Variants in GNAQ observed in about 807,000 individuals in gnomAD.
GNAQ encodes guanine nucleotide-binding protein G(q) subunit alpha.
In GNAQ, 8 loss-of-function variants were observed where a neutral mutation model predicts 43.9. That is an observed-to-expected ratio of 0.18 (90% CI 0.11 to 0.33). The LOEUF is 0.33. GNAQ is among the 10% of genes least tolerant of loss of function. The pLI, the probability that GNAQ is intolerant of heterozygous loss-of-function variation, is 1.00. For synonymous variants in GNAQ, 155 were observed against 170.7 expected (o/e 0.91, Z 0.71); for missense variants, 158 against 450.8 (o/e 0.35, Z 5.88).
intron 5 of GNAQ, among the ~76,000 whole-genome samples, chr9:77,741,287 G>T (rs1825650638): frequency 6.6e-6 from 1 of 152,140 alleles, no homozygotes; most frequent in African/African-American, 2.4e-5. Context: ...TGAATTATTA[G>T]TAACATTCCA....
chr9:77,854,366 C>T (rs1225321011), intron 2 of GNAQ, among the ~76,000 whole-genome samples: 1 of 152,050 alleles, frequency 6.6e-6, no homozygotes, highest in African/African-American at 2.4e-5. Flanking sequence ...ATTTCAAAAT[C>T]AAAATTCTGA....
intron 2 of GNAQ, among the ~76,000 whole-genome samples, chr9:77,823,769 T>C (rs1232544215): frequency 6.6e-6 from 1 of 152,040 alleles, no homozygotes; most frequent in Non-Finnish European, 1.5e-5. Context: ...GGGAAATCTG[T>C]CCCCACGATT....
At position 78,031,273 on chromosome 9, in the gene GNAQ, C is replaced by G. The variant is rs372818743; in HGVS notation, c.-38G>C. On this transcript the variant is annotated 5_prime_UTR_variant, in exon 1 of 7. Transcript: ENST00000286548. ...CCTCCGCTGCAGCCCCGCCGGCACC[C>G]CCTGCTCACAGCGCGCACACACACC... The G allele has an allele frequency of 6.9e-7, 1 of 1,444,428 alleles. No homozygotes were observed. The highest frequency in any genetic ancestry group is 1.4e-5 in the African/African-American group (1 of 68,982). 89.5% of individuals were successfully genotyped at this position (1,444,428 alleles called of 1,614,324 possible). A position where few individuals can be genotyped will look rare whatever the true frequency, so the allele number is the denominator to read the frequency against.
chr9:78,025,971 A>G (rs1381224449), intron 1 of GNAQ, among the ~76,000 whole-genome samples: 1 of 152,214 alleles, frequency 6.6e-6, no homozygotes, highest in Non-Finnish European at 1.5e-5. Context: ...CAGGTCCTAA[A>G]AAATTCATGG....
intron 2 of GNAQ, among the ~76,000 whole-genome samples, chr9:77,904,240 G>C (rs1045175512): frequency 2.0e-5 from 3 of 149,760 alleles, no homozygotes; most frequent in Admixed American, 1.3e-4. Flanking sequence ...GCAAAAAGCT[G>C]ACTGTGGAAA....
chr9:78,022,243 G>C (rs1823920167), intron 1 of GNAQ, among the ~76,000 whole-genome samples: 1 of 152,164 alleles, frequency 6.6e-6, no homozygotes, highest in African/African-American at 2.4e-5. Flanking sequence ...CTTCATCCAG[G>C]GGTGAGTTTG....
chr9:77,998,357 A>G (rs1823602350), intron 1 of GNAQ, among the ~76,000 whole-genome samples: 1 of 152,226 alleles, frequency 6.6e-6, no homozygotes. Context: ...AAGTGAGAAT[A>G]TGGTTTCTAT....
chr9:77,864,632 A>G (rs1827919254), intron 2 of GNAQ, among the ~76,000 whole-genome samples: 1 of 152,150 alleles, frequency 6.6e-6, no homozygotes, highest in South Asian at 2.1e-4. Flanking sequence ...AAGACAAGAA[A>G]ACGGACACTC....
At chr9:77,951,715 C>T (rs1401754371) in intron 1 of GNAQ, among the ~76,000 whole-genome samples, 2 of 152,158 alleles carry the variant, frequency 1.3e-5, no homozygotes, top group Non-Finnish European at 2.9e-5. Context: ...AGCTCCAAGG[C>T]CTTTCTACCA....
intron 2 of GNAQ, among the ~76,000 whole-genome samples, chr9:77,840,859 G>A (rs1827479469): frequency 6.6e-6 from 1 of 152,006 alleles, no homozygotes; most frequent in African/African-American, 2.4e-5. Context: ...CTGAGCCCAG[G>A]GTCACAATTC....
At chr9:77,935,104 G>A (rs1308462812) in intron 1 of GNAQ, among the ~76,000 whole-genome samples, 1 of 152,130 alleles carries the variant, frequency 6.6e-6, no homozygotes, top group Non-Finnish European at 1.5e-5. Context: ...CAACCTGGAC[G>A]ACAGAGTGAG....
At chr9:77,778,667 C>G (rs1450411716) in intron 5 of GNAQ, among the ~76,000 whole-genome samples, 2 of 151,654 alleles carry the variant, frequency 1.3e-5, no homozygotes, top group African/African-American at 4.8e-5. Context: ...AAACCACAAC[C>G]ACATACATTG....
rs137988219 is a variant in GNAQ, at chr9:77,951,305, C to T, written c.137-28960G>A. Among the ~76,000 whole-genome samples the T allele has an allele frequency of 2.1e-4, 32 of 152,036 alleles. No individual in the cohort carries two copies. The East Asian group carries it at 4.5e-3, about 21-fold the overall frequency. On this transcript the variant is annotated intron_variant, in intron 1 of 6. Transcript: ENST00000286548. ...TAGAGACGGGGTTTCTCCATGTTGG[C>T]CAGGCTGGTCTTGAACTCCTGGCCT...
chr9:78,012,244 T>C (rs1823782147), intron 1 of GNAQ, among the ~76,000 whole-genome samples: 1 of 151,212 alleles, frequency 6.6e-6, no homozygotes, highest in Non-Finnish European at 1.5e-5. Flanking sequence ...TTTTCTTTTT[T>C]TTTTTTTTTT....
rs964215656 is a variant in GNAQ, at chr9:77,941,935, C to CAT, written c.137-19591_137-19590insAT. On this transcript the variant is annotated intron_variant, in intron 1 of 6. Coordinates refer to ENST00000286548, the MANE Select transcript of GNAQ (RefSeq NM_002072.5). ...ACACACACACACACACACACACACA[C>CAT]ACACACACACACAGAGTATTATATA... Among the ~76,000 whole-genome samples, 26 of 150,472 alleles carry CAT rather than the reference C, an allele frequency of 1.7e-4. No individual in the cohort carries two copies. In the East Asian group the frequency reaches 4.7e-3, roughly 27 times the overall value.
chr9:77,729,570 T>G (rs1226485069), intron 5 of GNAQ, among the ~76,000 whole-genome samples: 1 of 152,284 alleles, frequency 6.6e-6, no homozygotes, highest in Non-Finnish European at 1.5e-5. Context: ...CTTACCATTC[T>G]TTCTCCCATA....
intron 1 of GNAQ, among the ~76,000 whole-genome samples, chr9:78,028,890 G>A (rs1013854120): frequency 6.6e-6 from 1 of 152,082 alleles, no homozygotes; most frequent in Non-Finnish European, 1.5e-5. Context: ...CAGAAATAGT[G>A]TAAGTATTGT....
chr9:77,832,606 C>T (rs991766772), intron 2 of GNAQ, among the ~76,000 whole-genome samples: 4 of 152,200 alleles, frequency 2.6e-5, no homozygotes, highest in African/African-American at 9.6e-5. Context: ...AAAACTATAA[C>T]AAGTAAGTAT....
At chr9:78,010,343 T>G (rs567131776) in intron 1 of GNAQ, among the ~76,000 whole-genome samples, 1 of 152,150 alleles carries the variant, frequency 6.6e-6, no homozygotes, top group Non-Finnish European at 1.5e-5. Flanking sequence ...GAATAGAATC[T>G]GAAGCTAGTT....
Sources: gnomAD v4.1 joint callset for allele counts (sites outside exome capture counted in the v4.1 genomes callset) on GRCh38, gnomAD v4.1.1 for gene constraint, MANE v1.5 for transcripts, NCBI Gene and HGNC (gene_info 2026-07-23, HGNC 2026-07-21) for gene names.